The following KALRN variants were observed in gnomAD, a reference collection of about 807,000 sequenced individuals.
The protein encoded by KALRN is kalirin RhoGEF kinase.
Under a neutral mutation model 353.7 loss-of-function variants are expected in KALRN, and 70 were observed. That is an observed-to-expected ratio of 0.20 (90% CI 0.16 to 0.24). The LOEUF (loss-of-function observed/expected upper bound fraction) is 0.24, where lower values mean the gene tolerates loss of function less well. KALRN is among the 10% of genes least tolerant of loss of function. The probability of loss-of-function intolerance (pLI) is 1.00; values close to 1 mark genes in which losing one functional copy is unlikely to be tolerated. For missense variants in KALRN, 2,791 were observed against 3,756.7 expected (o/e 0.74, Z 6.72); for synonymous variants, 1,391 against 1,434.8 (o/e 0.97, Z 0.69).
chr3:124,398,103 C>T (rs894669370), intron 12 of KALRN, among the ~76,000 whole-genome samples: 6 of 152,198 alleles, frequency 3.9e-5, no homozygotes, highest in African/African-American at 1.4e-4. Flanking sequence ...GGTTTGCAGG[C>T]TCCAGATCCT....
chr3:124,457,953 A>G (rs551654517), intron 23 of KALRN, among the ~76,000 whole-genome samples: 44 of 152,148 alleles, frequency 2.9e-4, no homozygotes, highest in Non-Finnish European at 5.7e-4. Flanking sequence ...GACTCCTCTC[A>G]GGTCTAAGAA....
chr3:124,288,432 G>T (rs886532622), intron 5 of KALRN, among the ~76,000 whole-genome samples: 2 of 152,182 alleles, frequency 1.3e-5, no homozygotes, highest in African/African-American at 4.8e-5. Flanking sequence ...GCATAATATA[G>T]TGTGTCTGCA....
chr3:124,169,699 A>G (rs576660084), intron 1 of KALRN, among the ~76,000 whole-genome samples: 6 of 152,222 alleles, frequency 3.9e-5, no homozygotes, highest in African/African-American at 1.4e-4. Flanking sequence ...CTGTTTCACT[A>G]TAGAATGTGA....
chr3:124,383,371 T>C (rs1234485243), intron 10 of KALRN, among the ~76,000 whole-genome samples: 1 of 152,200 alleles, frequency 6.6e-6, no homozygotes, highest in Non-Finnish European at 1.5e-5. Context: ...TTCTCACAGT[T>C]CTGGAAGCTA....
chr3:124,673,714 T>C (rs2086804177), intron 48 of KALRN, among the ~76,000 whole-genome samples: 1 of 152,068 alleles, frequency 6.6e-6, no homozygotes, highest in Non-Finnish European at 1.5e-5. Flanking sequence ...TACAAGTCTG[T>C]CTAGAGGCAG....
intron 1 of KALRN, among the ~76,000 whole-genome samples, chr3:124,159,351 G>A (rs1424994059): frequency 6.6e-6 from 1 of 152,162 alleles, no homozygotes; most frequent in Non-Finnish European, 1.5e-5. Context: ...GATCACCACA[G>A]CTTTGAGCTT....
chr3:124,487,017 T>A (rs772118648), intron 28 of KALRN, among the ~76,000 whole-genome samples: 1 of 152,096 alleles, frequency 6.6e-6, no homozygotes, highest in Non-Finnish European at 1.5e-5. Flanking sequence ...TGTCAAGAGG[T>A]CTGTCATTAA....
At chr3:124,149,088 G>A (rs2067741967) in intron 1 of KALRN, among the ~76,000 whole-genome samples, 1 of 152,216 alleles carries the variant, frequency 6.6e-6, no homozygotes, top group Admixed American at 6.5e-5. Context: ...CACACATTGA[G>A]TGAAAAATAG....
At chr3:124,264,865 G>A (rs2148888776) in intron 4 of KALRN, among the ~76,000 whole-genome samples, 175 bp downstream of exon 4, 1 of 152,286 alleles carries the variant, frequency 6.6e-6, no homozygotes, top group South Asian at 2.1e-4. Flanking sequence ...GGAACAAGAG[G>A]CTCACGAGAT....
At chr3:124,220,273 G>A (rs899506640) in intron 1 of KALRN, among the ~76,000 whole-genome samples, 3 of 152,034 alleles carry the variant, frequency 2.0e-5, no homozygotes, top group Non-Finnish European at 2.9e-5. Context: ...GAACTCTAAG[G>A]AACATATTTA....
chr3:124,508,763 C>T (rs927402557), intron 33 of KALRN, among the ~76,000 whole-genome samples: 2 of 152,190 alleles, frequency 1.3e-5, no homozygotes, highest in Non-Finnish European at 2.9e-5. Flanking sequence ...ACCAAATTTA[C>T]ACTCCTGCCA....
At chr3:124,361,881 A>AGTAGTGATGGTGGCAGCAGTGGGGGT (rs2084082536) in intron 10 of KALRN, among the ~76,000 whole-genome samples, 4 of 151,692 alleles carry the variant, frequency 2.6e-5, no homozygotes, top group South Asian at 2.1e-4. Flanking sequence ...GGTGGTGGGG[A>AGTAGTGATGGTGGCAGCAGTGGGGGT]GAGCTTCAGA....
chr3:124,681,591 T>C (rs941954225), intron 51 of KALRN, among the ~76,000 whole-genome samples: 9 of 151,842 alleles, frequency 5.9e-5, no homozygotes, highest in African/African-American at 4.8e-5. Flanking sequence ...GTAGCCCTTA[T>C]ATATTACATA....
chr3:124,220,791 G>A (rs1037187149), intron 1 of KALRN, among the ~76,000 whole-genome samples: 4 of 152,214 alleles, frequency 2.6e-5, no homozygotes, highest in African/African-American at 7.2e-5. Flanking sequence ...TGGACTTAGG[G>A]AGAAGATCAA....
rs77235121 is a variant in KALRN, at chr3:124,420,022, A to G, written c.2543-2790A>G. 4.0e-3 allele frequency among the ~76,000 whole-genome samples: 615 copies of G among 152,266 alleles called. 18 individuals carry two copies. In the East Asian group the frequency reaches 0.076, roughly 19 times the overall value. ...GGCAGTGGGAGAGGGGGTAATTTCT[A>G]TTCTTCTAGGTGTGGCTGGAATAAA... On this transcript the variant is annotated intron_variant, in intron 14 of 59. Coordinates refer to ENST00000682506, the MANE Select transcript of KALRN (RefSeq NM_001388419.1).
intron 32 of KALRN, among the ~76,000 whole-genome samples, chr3:124,495,508 G>T (rs1009741655): frequency 6.6e-6 from 1 of 151,876 alleles, no homozygotes; most frequent in African/African-American, 2.4e-5. Flanking sequence ...TGCCAAGGCG[G>T]GCAGATCACC....
At chr3:124,322,524 G>A (rs951476872) in intron 6 of KALRN, among the ~76,000 whole-genome samples, 4 of 152,184 alleles carry the variant, frequency 2.6e-5, no homozygotes, top group Non-Finnish European at 5.9e-5. Context: ...GGAGGGGGCA[G>A]CTGGTAGGAA....
chr3:124,709,549 A>G (rs2062795025), intron 57 of KALRN, among the ~76,000 whole-genome samples: 1 of 151,974 alleles, frequency 6.6e-6, no homozygotes, highest in Non-Finnish European at 1.5e-5. Context: ...AGGTGTTGGG[A>G]TTACAGGCGT....
chr3:124,092,364 G>A (rs903795068), intron 1 of KALRN, among the ~76,000 whole-genome samples: 1 of 152,154 alleles, frequency 6.6e-6, no homozygotes, highest in African/African-American at 2.4e-5. Context: ...GCCATGATGC[G>A]AGCCTCCCGT....
Sources: gnomAD v4.1 joint callset for allele counts (sites outside exome capture counted in the v4.1 genomes callset) on GRCh38, gnomAD v4.1.1 for gene constraint, MANE v1.5 for transcripts, NCBI Gene and HGNC (gene_info 2026-07-23, HGNC 2026-07-21) for gene names.